Variants in MPDZ observed in about 807,000 individuals in gnomAD.
The protein encoded by MPDZ is multiple PDZ domain crumbs cell polarity complex component.
In MPDZ, 234 loss-of-function variants were observed where a neutral mutation model predicts 239.1. The observed-to-expected ratio is 0.98, with a 90% CI of 0.88 to 1.09. The LOEUF is 1.09. MPDZ is among the 50% of genes least tolerant of loss of function. The probability of loss-of-function intolerance (pLI) is 0.00; values close to 1 mark genes in which losing one functional copy is unlikely to be tolerated. For missense variants in MPDZ, 3,175 were observed against 2,510.0 expected, an observed-to-expected ratio of 1.26 and a Z score of -5.66; for synonymous variants, 1,048 against 881.3, an observed-to-expected ratio of 1.19 and a Z score of -3.35.
At position 13,190,145 on chromosome 9, in the gene MPDZ, T is replaced by C; in HGVS notation, c.2123A>G (p.Lys708Arg). 1.9e-6 allele frequency: 3 copies of C among 1,613,100 alleles called. No individual in the cohort carries two copies. Among genetic ancestry groups the C allele is most frequent in the Non-Finnish European group, 2.5e-6 (3 of 1,179,494 alleles). Reference protein sequence around the residue: ...IQHIELEKGSKGLGFSILDYQ... With the variant: ...IQHIELEKGSRGLGFSILDYQ... ...ATCTAAAATGCTAAAACCAAGTCCT[T>C]TGCTCCCTTTCTCCAGCTCTATGTG... Residue 708 changes from lysine to arginine, a missense_variant, in exon 16 of 47, where the codon AAA becomes AGA. Physicochemically the swap from Lys to Arg is conservative, Grantham distance 26. Transcript: ENST00000319217.
intron 10 of MPDZ, among the ~76,000 whole-genome samples, chr9:13,214,049 T>C (rs1451913861): frequency 6.6e-6 from 1 of 151,992 alleles, no homozygotes; most frequent in Non-Finnish European, 1.5e-5. Flanking sequence ...TATCATAAGA[T>C]TCAGCAATTC....
At chr9:13,263,697 G>A (rs969545897) in intron 1 of MPDZ, among the ~76,000 whole-genome samples, 2 of 152,150 alleles carry the variant, frequency 1.3e-5, no homozygotes, top group African/African-American at 4.8e-5. Flanking sequence ...CCCTGGATTA[G>A]TCAACTTCTC....
intron 32 of MPDZ, among the ~76,000 whole-genome samples, chr9:13,128,972 T>C (rs796395346): frequency 1.3e-5 from 2 of 152,172 alleles, no homozygotes; most frequent in African/African-American, 4.8e-5. Context: ...CCCTTGAAGG[T>C]TGCTGACCTG....
chr9:13,121,961 G>A, intron 37 of MPDZ, 29 bp from the exon 38 acceptor site: 2 of 1,606,020 alleles, frequency 1.2e-6, no homozygotes, highest in Non-Finnish European at 1.7e-6. Context: ...CTGACTGTAA[G>A]GAACATGAGA....
chr9:13,122,566 G>T (rs2131639650), intron 36 of MPDZ, among the ~76,000 whole-genome samples: 1 of 149,178 alleles, frequency 6.7e-6, no homozygotes, highest in Non-Finnish European at 1.5e-5. Flanking sequence ...TGTCACCCAG[G>T]CTGGAGTGCA....
chr9:13,139,899 A>G, intron 28 of MPDZ, 88 bp downstream of exon 28: 1 of 1,474,500 alleles, frequency 6.8e-7, no homozygotes, highest in Non-Finnish European at 9.5e-7. Context: ...GCTGCAACAT[A>G]CTTACTTATC....
chr9:13,222,188 C>G, intron 6 of MPDZ, 45 bp downstream of exon 6: 1 of 1,523,552 alleles, frequency 6.6e-7, no homozygotes, highest in Non-Finnish European at 8.9e-7. Context: ...CCAAAAACAA[C>G]TTGAAAAATA....
At chr9:13,214,524 C>T (rs1435096298) in intron 10 of MPDZ, among the ~76,000 whole-genome samples, 3 of 151,942 alleles carry the variant, frequency 2.0e-5, no homozygotes, top group Admixed American at 2.0e-4. Context: ...TGTGAATACA[C>T]TAAAAGCTAC....
rs1442020417 is a variant in MPDZ at position 13,121,838 on chromosome 9, T to A, written c.5132A>T (p.Asp1711Val). ...TTCCTCCTCTTTGTATGGGGCCTCA[T>A]CTCTGTAGAGTGTCAGGCGCACTCT... ...PQRVRLTLYRDEAPYKEEEVC... is the reference protein window; with the variant it reads ...PQRVRLTLYRVEAPYKEEEVC... The change falls in exon 38 of 47, where the codon GAT becomes GTT. Residue 1711 changes from aspartate to valine, a missense_variant. Asp to Val is a radical substitution (Grantham distance 152). Coordinates refer to ENST00000319217, the MANE Select transcript of MPDZ (RefSeq NM_001378778.1). The A allele has an allele frequency of 1.1e-5, 18 of 1,613,822 alleles. No homozygotes were observed. The highest frequency in any genetic ancestry group is 1.5e-5 in the Non-Finnish European group (18 of 1,179,864).
At chr9:13,222,515 A>G in intron 5 of MPDZ, 69 bp from the exon 6 acceptor site, 2 of 1,234,050 alleles carry the variant, frequency 1.6e-6, no homozygotes, top group Admixed American at 3.5e-5. Flanking sequence ...CTTCTTTGGC[A>G]TGTATGTTCA....
At chr9:13,193,768 T>C (rs573981300) in intron 13 of MPDZ, among the ~76,000 whole-genome samples, 1 of 152,144 alleles carries the variant, frequency 6.6e-6, no homozygotes, top group Non-Finnish European at 1.5e-5. Context: ...GAACTTCCAA[T>C]TTTCTACTGT....
At chr9:13,234,940 T>C (rs1963545744) in intron 3 of MPDZ, among the ~76,000 whole-genome samples, 1 of 152,070 alleles carries the variant, frequency 6.6e-6, no homozygotes, top group Non-Finnish European at 1.5e-5. Flanking sequence ...AACTATGAAA[T>C]GCAAAGATAG....
intron 25 of MPDZ, 34 bp downstream of exon 25, chr9:13,150,477 C>T: frequency 7.0e-7 from 1 of 1,419,010 alleles, no homozygotes; most frequent in Non-Finnish European, 9.3e-7. Context: ...ACAAAACAAA[C>T]AAATTTTAGC....
intron 31 of MPDZ, chr9:13,135,884 C>T: frequency 2.4e-6 from 1 of 410,840 alleles, no homozygotes; most frequent in Non-Finnish European, 4.3e-6. Flanking sequence ...TCACTATTCC[C>T]TAGGCAGACT....
At chr9:13,211,821 C>G (rs1399327309) in intron 10 of MPDZ, among the ~76,000 whole-genome samples, 2 of 151,978 alleles carry the variant, frequency 1.3e-5, no homozygotes, top group African/African-American at 2.4e-5. Flanking sequence ...AGTATAAATA[C>G]ATAGAATTTT....
At chr9:13,196,083 T>C (rs761219593) in intron 13 of MPDZ, 38 bp downstream of exon 13, 6 of 1,382,990 alleles carry the variant, frequency 4.3e-6, no homozygotes, top group Admixed American at 2.0e-5. Flanking sequence ...TCAAATACAG[T>C]TACAAGTTAG....
chr9:13,253,310 C>T (rs1588134757), intron 1 of MPDZ, among the ~76,000 whole-genome samples: 1 of 149,884 alleles, frequency 6.7e-6, no homozygotes, highest in East Asian at 1.9e-4. Context: ...AGTTTCTTTT[C>T]TATGCTTGGA....
chr9:13,233,774 C>A (rs1963204216), intron 3 of MPDZ, among the ~76,000 whole-genome samples: 1 of 152,182 alleles, frequency 6.6e-6, no homozygotes, highest in Admixed American at 6.6e-5. Flanking sequence ...CATAAAGCTA[C>A]ACCTTGTCTA....
At chr9:13,274,831 AAC>A (rs1404856122) in intron 1 of MPDZ, among the ~76,000 whole-genome samples, 9 of 152,210 alleles carry the variant, frequency 5.9e-5, no homozygotes, top group African/African-American at 1.4e-4. Flanking sequence ...AGACATTTAC[AAC>A]ACAGTGTTTC....
Sources: allele counts gnomAD v4.1 joint callset (sites outside exome capture counted in the v4.1 genomes callset), GRCh38; gene constraint gnomAD v4.1.1; transcripts MANE v1.5; gene names NCBI Gene and HGNC (gene_info 2026-07-23, HGNC 2026-07-21).